PPP1R16B: variants seen among roughly 807,000 people sequenced by gnomAD.
PPP1R16B encodes the protein protein phosphatase 1 regulatory subunit 16B.
In PPP1R16B, 14 loss-of-function variants were observed where a neutral mutation model predicts 61.7. The ratio of observed to expected loss-of-function variants is 0.23; its 90% CI spans 0.15 to 0.35. PPP1R16B has a LOEUF of 0.35. Among genes scored for constraint, PPP1R16B ranks in the 10% least tolerant of loss-of-function variants. The probability of loss-of-function intolerance (pLI) is 1.00; values close to 1 mark genes in which losing one functional copy is unlikely to be tolerated. For synonymous variants in PPP1R16B, 266 were observed against 305.3 expected (o/e 0.87, Z 1.34); for missense variants, 547 against 752.5 (o/e 0.73, Z 3.19).
intron 1 of PPP1R16B, among the ~76,000 whole-genome samples, chr20:38,817,020 C>T (rs1437108524): frequency 1.3e-5 from 2 of 152,244 alleles, no homozygotes; most frequent in Non-Finnish European, 2.9e-5. Flanking sequence ...GGCCAGCCTC[C>T]TGTCCACCCT....
chr20:38,823,407 A>G (rs1601236693), intron 1 of PPP1R16B, among the ~76,000 whole-genome samples: 1 of 152,186 alleles, frequency 6.6e-6, no homozygotes, highest in East Asian at 1.9e-4. Flanking sequence ...TTGGGAGGCC[A>G]AGGCTGGCGG....
intron 2 of PPP1R16B, among the ~76,000 whole-genome samples, chr20:38,887,467 A>G (rs1362748352): frequency 1.3e-5 from 2 of 152,206 alleles, no homozygotes; most frequent in African/African-American, 4.8e-5. Context: ...TCCCAGAGCA[A>G]TGGGGAGCCA....
chr20:38,904,708 A>T (rs555269059), intron 6 of PPP1R16B, among the ~76,000 whole-genome samples: 31 of 151,098 alleles, frequency 2.1e-4, no homozygotes, highest in Middle Eastern at 3.5e-3. Flanking sequence ...GTGGCATCTG[A>T]CCATCAGGGC....
At chr20:38,859,899 A>T (rs1413301580) in intron 2 of PPP1R16B, among the ~76,000 whole-genome samples, 1 of 152,222 alleles carries the variant, frequency 6.6e-6, no homozygotes, top group Non-Finnish European at 1.5e-5. Context: ...CCAAAATGTC[A>T]TTTCAGCATG....
intron 1 of PPP1R16B, among the ~76,000 whole-genome samples, chr20:38,828,998 G>A (rs2084820543): frequency 6.6e-6 from 1 of 152,224 alleles, no homozygotes; most frequent in South Asian, 2.1e-4. Flanking sequence ...TGGGAAGGCG[G>A]GGGTGTACCC....
intron 2 of PPP1R16B, among the ~76,000 whole-genome samples, chr20:38,873,756 T>TTTTG (rs2085147095): frequency 6.6e-6 from 1 of 151,084 alleles, no homozygotes; most frequent in African/African-American, 2.4e-5. Context: ...TTTTTTTTTT[T>TTTTG]GAGATGGAGT....
chr20:38,911,243 T>G (rs2085487314), intron 10 of PPP1R16B, among the ~76,000 whole-genome samples: 1 of 149,494 alleles, frequency 6.7e-6, no homozygotes. Flanking sequence ...CTCGGCTCAC[T>G]GCAACCTCCA....
intron 2 of PPP1R16B, among the ~76,000 whole-genome samples, chr20:38,886,504 A>G (rs1192293844): frequency 6.6e-6 from 1 of 151,940 alleles, no homozygotes; most frequent in Non-Finnish European, 1.5e-5. Flanking sequence ...CCATCCAGAA[A>G]CCCATCCTAG....
At chr20:38,915,974 C>T (rs1355626882) in intron 10 of PPP1R16B, among the ~76,000 whole-genome samples, 1 of 151,282 alleles carries the variant, frequency 6.6e-6, no homozygotes, top group African/African-American at 2.4e-5. Context: ...AACTCACATA[C>T]ACATCAAAGT....
chr20:38,816,044 G>A (rs984575280), intron 1 of PPP1R16B, among the ~76,000 whole-genome samples: 12 of 151,988 alleles, frequency 7.9e-5, no homozygotes, highest in Non-Finnish European at 1.5e-4. Context: ...GTGTGAGGAG[G>A]CTTGAAATTC....
At chr20:38,889,746 C>A in intron 3 of PPP1R16B, 81 bp downstream of exon 3, 1 of 1,379,786 alleles carries the variant, frequency 7.2e-7, no homozygotes, top group South Asian at 1.2e-5. Context: ...CTTTCCTGCT[C>A]AGAACCCTCA....
intron 2 of PPP1R16B, among the ~76,000 whole-genome samples, chr20:38,841,185 T>C (rs566480216): frequency 3.4e-4 from 51 of 152,034 alleles, no homozygotes; most frequent in Non-Finnish European, 5.3e-4. Context: ...TCAATGATTT[T>C]CAGTAAATTT....
intron 2 of PPP1R16B, among the ~76,000 whole-genome samples, chr20:38,873,889 C>T (rs929317765): frequency 3.9e-5 from 6 of 151,930 alleles, no homozygotes; most frequent in African/African-American, 7.3e-5. Flanking sequence ...CCACCACACT[C>T]GGCTAATTTT....
intron 1 of PPP1R16B, among the ~76,000 whole-genome samples, chr20:38,810,958 T>C (rs2084697014): frequency 6.6e-6 from 1 of 152,212 alleles, no homozygotes; most frequent in South Asian, 2.1e-4. Flanking sequence ...TTTTGCTTTG[T>C]GTACCTTTGG....
At chr20:38,831,066 T>A (rs1280596693) in intron 1 of PPP1R16B, among the ~76,000 whole-genome samples, 1 of 152,210 alleles carries the variant, frequency 6.6e-6, no homozygotes. Context: ...TATCCTCCAG[T>A]GAGTGACGAG....
At chr20:38,817,773 A>G (rs1396420931) in intron 1 of PPP1R16B, among the ~76,000 whole-genome samples, 2 of 152,074 alleles carry the variant, frequency 1.3e-5, no homozygotes, top group East Asian at 3.9e-4. Context: ...GGTCGGGCGT[A>G]GTGGTTCATG....
intron 10 of PPP1R16B, among the ~76,000 whole-genome samples, chr20:38,917,190 G>A (rs2085548728): frequency 6.6e-6 from 1 of 151,964 alleles, no homozygotes; most frequent in African/African-American, 2.4e-5. Flanking sequence ...CAGCTACTCG[G>A]GAGGCTGAGG....
intron 1 of PPP1R16B, among the ~76,000 whole-genome samples, chr20:38,821,149 G>A (rs1251464527): frequency 1.3e-5 from 2 of 152,046 alleles, no homozygotes; most frequent in East Asian, 3.9e-4. Context: ...TGCCAAGTTT[G>A]AGAACGTCTT....
chr20:38,857,476 A>G (rs1278061384), intron 2 of PPP1R16B, among the ~76,000 whole-genome samples: 1 of 152,232 alleles, frequency 6.6e-6, no homozygotes, highest in Admixed American at 6.5e-5. Context: ...TGCTGGCTCC[A>G]AGATAAGCCA....
Sources: allele counts gnomAD v4.1 joint callset (sites outside exome capture counted in the v4.1 genomes callset), GRCh38; gene constraint gnomAD v4.1.1; transcripts MANE v1.5; gene names NCBI Gene and HGNC (gene_info 2026-07-23, HGNC 2026-07-21).